Variants in ARIH2 observed in about 807,000 individuals in gnomAD.
ARIH2 encodes E3 ubiquitin-protein ligase ARIH2.
A neutral mutation model predicts 79.8 loss-of-function variants in ARIH2; 12 were observed. That is an observed-to-expected ratio of 0.15 (90% confidence interval 0.10 to 0.24). The LOEUF (loss-of-function observed/expected upper bound fraction) is 0.24. ARIH2 is among the 10% of genes least tolerant of loss of function. The pLI is 1.00. For missense variants in ARIH2, 301 were observed against 618.3 expected, an observed-to-expected ratio of 0.49 and a Z score of 5.44; for synonymous variants, 224 against 213.9, an observed-to-expected ratio of 1.05 and a Z score of -0.41.
At chr3:48,935,265 G>A (rs1247443501) in intron 3 of ARIH2, among the ~76,000 whole-genome samples, 2 of 152,122 alleles carry the variant, frequency 1.3e-5, no homozygotes, top group Non-Finnish European at 2.9e-5. Context: ...TCTCTGCCCT[G>A]GTAGACATTG....
intron 13 of ARIH2, 27 bp from the exon 14 acceptor site, chr3:48,981,633 G>T: frequency 6.3e-7 from 1 of 1,599,538 alleles, no homozygotes; most frequent in South Asian, 1.1e-5. Context: ...CACAGACACA[G>T]GTTCCTTCTC....
At chr3:48,975,694 A>G (rs541064045) in intron 11 of ARIH2, among the ~76,000 whole-genome samples, 1 of 151,130 alleles carries the variant, frequency 6.6e-6, no homozygotes, top group East Asian at 2.0e-4. Context: ...CCTTCCAAAT[A>G]GCTGGGATTA....
chr3:48,942,308 C>T (rs905699382), intron 3 of ARIH2, among the ~76,000 whole-genome samples: 3 of 152,110 alleles, frequency 2.0e-5, no homozygotes, highest in Non-Finnish European at 4.4e-5. Context: ...GCTTCAGCCT[C>T]CTGAAGTGTT....
chr3:48,977,813 G>A (rs2092589337), intron 11 of ARIH2, among the ~76,000 whole-genome samples: 2 of 152,178 alleles, frequency 1.3e-5, no homozygotes, highest in African/African-American at 4.8e-5. Context: ...AGAGGGCATT[G>A]TTGCCACTAT....
chr3:48,957,273 G>A (rs2090700462), intron 3 of ARIH2, among the ~76,000 whole-genome samples: 1 of 152,244 alleles, frequency 6.6e-6, no homozygotes, highest in East Asian at 1.9e-4. Flanking sequence ...CTTCACTGTG[G>A]CTGTTGGTGC....
At chr3:48,927,292 T>C (rs552425509) in intron 2 of ARIH2, 170 bp from the exon 3 acceptor site, 1 of 410,680 alleles carries the variant, frequency 2.4e-6, no homozygotes, top group South Asian at 2.8e-5. Flanking sequence ...GATTTCCCTT[T>C]TATAAGCCTG....
At chr3:48,931,970 C>G (rs1289076527) in intron 3 of ARIH2, among the ~76,000 whole-genome samples, 1 of 152,174 alleles carries the variant, frequency 6.6e-6, no homozygotes, top group Non-Finnish European at 1.5e-5. Context: ...GATCGTGTCA[C>G]TGTACTCCAG....
intron 3 of ARIH2, chr3:48,944,834 C>G (rs2088887923): frequency 3.3e-6 from 1 of 300,450 alleles, no homozygotes; most frequent in Non-Finnish European, 6.6e-6. Flanking sequence ...TGCCTCCCTC[C>G]ACATCATCCC....
chr3:48,955,915 C>T (rs971727856), intron 3 of ARIH2, among the ~76,000 whole-genome samples: 4 of 152,150 alleles, frequency 2.6e-5, no homozygotes, highest in African/African-American at 9.7e-5. Flanking sequence ...GTATCATTTT[C>T]TCACTGTTTT....
At chr3:48,959,833 T>C (rs2091065557) in intron 3 of ARIH2, among the ~76,000 whole-genome samples, 1 of 152,188 alleles carries the variant, frequency 6.6e-6, no homozygotes, top group African/African-American at 2.4e-5. Flanking sequence ...ACTGATTGCA[T>C]AGCCTTTGAC....
intron 3 of ARIH2, among the ~76,000 whole-genome samples, chr3:48,946,457 A>C (rs1197977741): frequency 6.6e-6 from 1 of 151,182 alleles, no homozygotes; most frequent in African/African-American, 2.4e-5. Flanking sequence ...TTAGAGTTTC[A>C]GTCAAAAACA....
intron 11 of ARIH2, among the ~76,000 whole-genome samples, chr3:48,978,413 ATTTGTGTATG>A (rs2092616354): frequency 1.7e-5 from 1 of 58,610 alleles, no homozygotes; most frequent in African/African-American, 5.3e-5. Flanking sequence ...CACCTGGCTA[ATTTGTGTATG>A]TGTGTGTGTG....
chr3:48,974,947 C>T lies in ARIH2; in HGVS notation c.940-11C>T. 6.2e-7 allele frequency: 1 copy of T among 1,614,170 alleles called. No homozygotes were observed. Among genetic ancestry groups the T allele is most frequent in the African/African-American group, 1.3e-5 (1 of 75,042 alleles). ...GCCCTTAACGTGTTTTCTTCTGTTT[C>T]CCTCTGACAGCAATGCTCCAAATGT... On this transcript the variant is annotated splice_polypyrimidine_tract_variant and intron_variant, in intron 10 of 15. Transcript: ENST00000356401.
intron 5 of ARIH2, 77 bp downstream of exon 5, chr3:48,965,059 C>G: frequency 7.2e-7 from 1 of 1,395,452 alleles, no homozygotes; most frequent in East Asian, 2.4e-5. Context: ...TCCTTAAGAG[C>G]TATCTTTACT....
In ARIH2 at chr3:48,979,505, G is replaced by A. The variant is rs753773992; in HGVS notation, c.985G>A (p.Asp329Asn). 1 of 1,614,238 alleles carries A rather than the reference G, an allele frequency of 6.2e-7. No individual in the cohort carries two copies. Among genetic ancestry groups the A allele is most frequent in the Non-Finnish European group, 8.5e-7 (1 of 1,180,038 alleles). Residue 329 changes from aspartate to asparagine, a missense_variant, in exon 12 of 16, where the codon GAT becomes AAT. This residue lies in a region of ARIH2 where 78 missense variants were observed against 268.9 expected (regional missense o/e 0.29). Coordinates refer to ENST00000356401, the MANE Select transcript of ARIH2 (RefSeq NM_006321.4). ...KHDFCWMCLG[D>N]WKTHGSEYYE... is the part of the protein sequence containing the mutation. ...AGACTTCTGCTGGATGTGTCTAGGA[G>A]ATTGGAAGACTCATGGCAGTGAATA...
intron 3 of ARIH2, among the ~76,000 whole-genome samples, chr3:48,951,977 T>C (rs1195907577): frequency 6.6e-6 from 1 of 152,150 alleles, no homozygotes; most frequent in Non-Finnish European, 1.5e-5. Flanking sequence ...CTAGCTTCCC[T>C]TTTTTAGCTG....
intron 11 of ARIH2, among the ~76,000 whole-genome samples, chr3:48,975,992 C>T (rs1010549228): frequency 6.6e-6 from 1 of 152,090 alleles, no homozygotes; most frequent in African/African-American, 2.4e-5. Flanking sequence ...CTGACTGCAA[C>T]CTCCACCTCC....
chr3:48,949,577 A>G (rs2089685711), intron 3 of ARIH2, among the ~76,000 whole-genome samples: 1 of 152,130 alleles, frequency 6.6e-6, no homozygotes, highest in South Asian at 2.1e-4. Context: ...TGTGGTTTTA[A>G]TTTGCATTCC....
intron 14 of ARIH2, chr3:48,982,693 G>T: frequency 3.5e-6 from 2 of 566,528 alleles, no homozygotes; most frequent in Non-Finnish European, 3.2e-6. Context: ...AGGGTCGAGG[G>T]TGAATGTGGC....
Sources: gnomAD v4.1 joint callset for allele counts (sites outside exome capture counted in the v4.1 genomes callset) on GRCh38, gnomAD v4.1.1 for gene constraint, gnomAD v4.1.1 regional missense constraint, MANE v1.5 for transcripts, NCBI Gene and HGNC (gene_info 2026-07-23, HGNC 2026-07-21) for gene names.